PINX1: variants seen among roughly 807,000 people sequenced by gnomAD.
PINX1 encodes PIN2/TERF1-interacting telomerase inhibitor 1.
PINX1 carries 34 observed loss-of-function variants against 25.4 expected under a neutral mutation model. The observed-to-expected ratio is 1.34, with a 90% CI of 1.02 to 1.78. The LOEUF (loss-of-function observed/expected upper bound fraction) is 1.78, where lower values mean the gene tolerates loss of function less well. PINX1 is among the 40% of genes most tolerant of loss of function. The pLI is 0.00. For missense variants in PINX1, 592 were observed against 404.9 expected (o/e 1.46, Z -3.97); for synonymous variants, 197 against 147.7 (o/e 1.33, Z -2.42).
At chr8:10,794,439 CT>C (rs371507337) in intron 6 of PINX1, among the ~76,000 whole-genome samples, 135 of 145,396 alleles carry the variant, frequency 9.3e-4, no homozygotes, top group Admixed American at 1.1e-3. Flanking sequence ...CTGTTGCTAC[CT>C]TTTTTTTTTT....
intron 6 of PINX1, among the ~76,000 whole-genome samples, chr8:10,768,509 T>C (rs893256057): frequency 2.6e-5 from 4 of 152,164 alleles, no homozygotes; most frequent in Non-Finnish European, 5.9e-5. Context: ...GTAAGTTTAA[T>C]AGGCACGGGT....
At chr8:10,830,507 G>A (rs1222902610) in intron 4 of PINX1, among the ~76,000 whole-genome samples, 1 of 152,140 alleles carries the variant, frequency 6.6e-6, no homozygotes, top group South Asian at 2.1e-4. Context: ...CTGAACTCAA[G>A]TCTAATTCAT....
Position 10,839,780 on chromosome 8 carries a change from G to C in PINX1, c.-24C>G, listed in dbSNP as rs1401548104. The C allele has an allele frequency of 3.1e-6, 5 of 1,599,214 alleles. No individual in the cohort carries two copies. The highest frequency in any genetic ancestry group is 1.7e-6 in the Non-Finnish European group (2 of 1,172,438). ...ATGTCGGAGAGCCTGTGATACCGCC[G>C]CCTCTGGACCTGGGTGACTGCGGCC... is the stretch of plus-strand genomic sequence containing the variant. On this transcript the variant is annotated 5_prime_UTR_variant, in exon 1 of 7. Transcript: ENST00000314787.
At chr8:10,833,200 G>C (rs1302343327) in intron 2 of PINX1, among the ~76,000 whole-genome samples, 1 of 152,188 alleles carries the variant, frequency 6.6e-6, no homozygotes, top group African/African-American at 2.4e-5. Context: ...AAGATCAAGT[G>C]CAAAGACCCG....
At chr8:10,779,767 T>C (rs1352879102) in intron 6 of PINX1, among the ~76,000 whole-genome samples, 2 of 152,352 alleles carry the variant, frequency 1.3e-5, no homozygotes, top group East Asian at 1.9e-4. Context: ...AAACTCAGGA[T>C]ATATTTTATC....
chr8:10,793,914 A>T (rs138771416), intron 6 of PINX1, among the ~76,000 whole-genome samples: 4 of 152,222 alleles, frequency 2.6e-5, no homozygotes, highest in Non-Finnish European at 5.9e-5. Context: ...TATTGCAATG[A>T]GTATCTAGTA....
intron 6 of PINX1, among the ~76,000 whole-genome samples, chr8:10,811,641 G>A (rs147652154): frequency 7.2e-5 from 11 of 152,184 alleles, no homozygotes; most frequent in African/African-American, 2.2e-4. Flanking sequence ...CTAGCAAAGC[G>A]GGGAGCTGGC....
rs757900901 is a variant in PINX1 at position 10,820,269 on chromosome 8, C to T, written c.395G>A (p.Gly132Glu). ...NRVHYMKFTK[G>E]KDLSSRSKTD... ...TTTGCTCCGAGATGACAGATCCTTC[C>T]CTAGAAAAACAATGTGATGCTTTTC... The change falls in exon 6 of 7, where the codon GGG becomes GAG. Residue 132 changes from glycine (G) to glutamate (E), a missense_variant and splice_region_variant. Coordinates refer to ENST00000314787, the MANE Select transcript of PINX1 (RefSeq NM_017884.6). 6.2e-7 allele frequency: 1 copy of T among 1,605,898 alleles called. No homozygotes were observed. The highest frequency in any genetic ancestry group is 1.1e-5 in the South Asian group (1 of 90,540).
At chr8:10,796,692 A>G (rs1449794485) in intron 6 of PINX1, among the ~76,000 whole-genome samples, 1 of 151,960 alleles carries the variant, frequency 6.6e-6, no homozygotes, top group Admixed American at 6.6e-5. Context: ...TTTTCCCCTT[A>G]GTAACCTTGT....
rs760490754 is a variant in PINX1 at position 10,831,792 on chromosome 8, C to G, written c.223-49G>C. The G allele has an allele frequency of 4.8e-6, 5 of 1,032,376 alleles. No individual in the cohort carries two copies. In the South Asian group the frequency reaches 6.8e-5, roughly 14 times the overall value. The allele number at this position is 1,032,376 out of a possible 1,614,324, so 64.0% of individuals were successfully genotyped here. On this transcript the variant is annotated intron_variant, in intron 3 of 6. Transcript: ENST00000314787. ...GAGAGGTAAGCCTGTAGTTTACTTA[C>G]ACTGACTGAGATGATACATTTTGGA...
chr8:10,818,308 T>G (rs1797761870), intron 6 of PINX1, among the ~76,000 whole-genome samples: 1 of 152,216 alleles, frequency 6.6e-6, no homozygotes, highest in South Asian at 2.1e-4. Context: ...TTGAAGCTCC[T>G]CAAACACAGG....
In PINX1 at chr8:10,808,410, C is replaced by T. The variant is rs184774270; in HGVS notation, c.471+11783G>A. Among the ~76,000 whole-genome samples, 42 of 152,164 alleles carry T rather than the reference C, an allele frequency of 2.8e-4. No homozygotes were observed. In the East Asian group the frequency reaches 8.1e-3, roughly 29 times the overall value. ...TGCTCTTTCTTTAAAAGCTGTTTGG[C>T]GGAGCTTAATTTTTTTACATCTAGG... On this transcript the variant is annotated intron_variant, in intron 6 of 6. Coordinates refer to ENST00000314787, the MANE Select transcript of PINX1 (RefSeq NM_017884.6).
At chr8:10,835,483 CAT>C (rs376508711) in intron 1 of PINX1, among the ~76,000 whole-genome samples, 14 of 152,360 alleles carry the variant, frequency 9.2e-5, no homozygotes, top group African/African-American at 2.4e-4. Flanking sequence ...ACCCTCCACA[CAT>C]GTGACCTACA....
chr8:10,826,360 CT>C, intron 4 of PINX1, 116 bp from the exon 5 acceptor site: 1 of 576,132 alleles, frequency 1.7e-6, no homozygotes, highest in East Asian at 3.0e-5. Context: ...AATGATTGAA[CT>C]CTTTCATTCA....
At chr8:10,822,215 C>G (rs889921863) in intron 5 of PINX1, 1 of 152,096 alleles carries the variant, frequency 6.6e-6, no homozygotes, top group Non-Finnish European at 1.5e-5. Flanking sequence ...ATGGAAGTGA[C>G]CTTGAGATAG....
At chr8:10,815,706 G>A (rs1268364886) in intron 6 of PINX1, among the ~76,000 whole-genome samples, 1 of 152,178 alleles carries the variant, frequency 6.6e-6, no homozygotes, top group Non-Finnish European at 1.5e-5. Context: ...GCAGGCTACA[G>A]ATGACAAAAC....
At chr8:10,782,542 C>T (rs573550760) in intron 6 of PINX1, among the ~76,000 whole-genome samples, 29 of 152,004 alleles carry the variant, frequency 1.9e-4, no homozygotes, top group Non-Finnish European at 2.8e-4. Context: ...TCAAGACCAA[C>T]GTGGCCAATA....
chr8:10,835,393 T>G (rs1298965316), intron 1 of PINX1, among the ~76,000 whole-genome samples: 1 of 152,180 alleles, frequency 6.6e-6, no homozygotes, highest in Non-Finnish European at 1.5e-5. Flanking sequence ...TAAACCAACC[T>G]TGGTCCTACT....
rs1241515986 is a variant in PINX1, at chr8:10,765,593, G to A, written c.795C>T (p.Cys265=). The change falls in exon 7 of 7, where the codon TGC becomes TGT. Residue 265 remains cysteine, a synonymous_variant. Coordinates refer to ENST00000314787, the MANE Select transcript of PINX1 (RefSeq NM_017884.6). ...APAEEQLRGP[C]WDQSSKASAQ... is the part of the protein sequence containing the mutation. ...CAGAGGCCTTGGAACTCTGGTCCCAGCAGGGGCCTCTGAGCTGCTCTTCTG... is the reference window on the plus strand; with the variant it reads ...CAGAGGCCTTGGAACTCTGGTCCCAACAGGGGCCTCTGAGCTGCTCTTCTG... 2 of 1,613,524 alleles carry A rather than the reference G, an allele frequency of 1.2e-6. No homozygotes were observed. Among genetic ancestry groups the A allele is most frequent in the Admixed American group, 3.3e-5 (2 of 59,990 alleles).
Sources: gnomAD v4.1 joint callset for allele counts (sites outside exome capture counted in the v4.1 genomes callset) on GRCh38, gnomAD v4.1.1 for gene constraint, MANE v1.5 for transcripts, NCBI Gene and HGNC (gene_info 2026-07-23, HGNC 2026-07-21) for gene names.